The following CCSER2 variants were observed in gnomAD, a reference collection of about 807,000 sequenced individuals.
The protein encoded by CCSER2 is serine-rich coiled-coil domain-containing protein 2.
A neutral mutation model predicts 92.3 loss-of-function variants in CCSER2; 46 were observed. That is an observed-to-expected ratio of 0.50 (90% CI 0.39 to 0.64). CCSER2 has a LOEUF of 0.64. Among genes scored for constraint, CCSER2 ranks in the 30% least tolerant of loss-of-function variants. CCSER2 has a pLI of 0.00. For synonymous variants in CCSER2, 433 were observed against 431.4 expected, an observed-to-expected ratio of 1.00 and a Z score of -0.04; for missense variants, 1,244 against 1,238.9, an observed-to-expected ratio of 1.00 and a Z score of -0.06.
chr10:84,454,731 A>G lies in CCSER2; in HGVS notation c.2065-9202A>G, dbSNP rs561437068. On this transcript the variant is annotated intron_variant, in intron 6 of 9. Transcript: ENST00000372088. ...TCTCTCTTGATTACACCCAGGCTCT[A>G]TTAATGGTTTGGTTCATATCATTAT... is the stretch of plus-strand genomic sequence containing the variant. 67 of 172,418 alleles carry G rather than the reference A, an allele frequency of 3.9e-4. 1 individual carries two copies. Among genetic ancestry groups the G allele is most frequent in the Middle Eastern group, 8.9e-4 (1 of 1,122 alleles). 10.7% of individuals were successfully genotyped at this position (172,418 alleles called of 1,614,324 possible).
intron 9 of CCSER2, among the ~76,000 whole-genome samples, chr10:84,488,625 T>G (rs1847952491): frequency 6.6e-6 from 1 of 152,180 alleles, no homozygotes. Context: ...TTGATTCTTC[T>G]CTCTTTTCTT....
intron 7 of CCSER2, among the ~76,000 whole-genome samples, chr10:84,468,181 T>C (rs1448199598): frequency 6.6e-6 from 1 of 152,194 alleles, no homozygotes; most frequent in East Asian, 1.9e-4. Context: ...CTTTGTATTA[T>C]ATTGTATGGC....
chr10:84,348,507 A>C (rs1844676434), intron 1 of CCSER2, among the ~76,000 whole-genome samples: 1 of 151,984 alleles, frequency 6.6e-6, no homozygotes, highest in Non-Finnish European at 1.5e-5. Context: ...AGGAAGAGGG[A>C]GAGGGCAAGG....
At chr10:84,506,687 G>A (rs1007954847) in intron 9 of CCSER2, among the ~76,000 whole-genome samples, 1 of 152,008 alleles carries the variant, frequency 6.6e-6, no homozygotes, top group Admixed American at 6.6e-5. Flanking sequence ...CCATCTACTT[G>A]GGAGGCTGAG....
intron 8 of CCSER2, among the ~76,000 whole-genome samples, chr10:84,475,171 C>T (rs1304946318): frequency 1.3e-5 from 2 of 151,854 alleles, no homozygotes; most frequent in East Asian, 3.9e-4. Flanking sequence ...ATTTGAGTTA[C>T]TTGTCCCTTC....
At chr10:84,464,475 G>T (rs1399284405) in intron 7 of CCSER2, among the ~76,000 whole-genome samples, 3 of 151,934 alleles carry the variant, frequency 2.0e-5, no homozygotes, top group Non-Finnish European at 2.9e-5. Flanking sequence ...TTTAGTTGAA[G>T]AAAACTCTTT....
chr10:84,353,704 T>G (rs1844995348), intron 1 of CCSER2, among the ~76,000 whole-genome samples: 1 of 152,172 alleles, frequency 6.6e-6, no homozygotes, highest in South Asian at 2.1e-4. Flanking sequence ...TCTTCTGGAC[T>G]TAGCTGTAAA....
At chr10:84,504,995 A>T (rs578200943) in intron 9 of CCSER2, among the ~76,000 whole-genome samples, 4 of 152,300 alleles carry the variant, frequency 2.6e-5, no homozygotes, top group Admixed American at 2.6e-4. Context: ...TATTTATAAT[A>T]GTAATGTAGT....
intron 1 of CCSER2, 100 bp from the exon 2 acceptor site, chr10:84,370,914 G>GT (rs796553539): frequency 1.9e-6 from 1 of 524,440 alleles, no homozygotes. Flanking sequence ...TAGCTTTTGG[G>GT]TTTTTCTGCG....
chr10:84,514,308 T>G lies in CCSER2; in HGVS notation c.*41T>G. The G allele has an allele frequency of 7.3e-7, 1 of 1,368,990 alleles. No homozygotes were observed. Among genetic ancestry groups the G allele is most frequent in the South Asian group, 1.3e-5 (1 of 75,098 alleles). 84.8% of individuals were successfully genotyped at this position (1,368,990 alleles called of 1,614,324 possible). The stretch of plus-strand genomic sequence containing the variant: ...CTGCCAATTTGTTTCTTAAAAACAA[T>G]CTCTTCTGTAATAGCTTTATGTGCA... On this transcript the variant is annotated 3_prime_UTR_variant, in exon 10 of 10. Coordinates refer to ENST00000372088, the MANE Select transcript of CCSER2 (RefSeq NM_001284240.2).
chr10:84,377,900 T>G (rs531156462), intron 3 of CCSER2, among the ~76,000 whole-genome samples: 1 of 152,344 alleles, frequency 6.6e-6, no homozygotes, highest in South Asian at 2.1e-4. Flanking sequence ...TATACCTGAT[T>G]TTTATCATGT....
intron 9 of CCSER2, among the ~76,000 whole-genome samples, chr10:84,499,610 C>T (rs998471258): frequency 6.6e-6 from 1 of 151,382 alleles, no homozygotes; most frequent in Non-Finnish European, 1.5e-5. Context: ...TAATGTATAC[C>T]GGAAAGAATA....
chr10:84,471,118 T>C (rs1239331074), intron 8 of CCSER2, among the ~76,000 whole-genome samples: 1 of 152,102 alleles, frequency 6.6e-6, no homozygotes, highest in Non-Finnish European at 1.5e-5. Flanking sequence ...CACATTTTGG[T>C]CTAACAAAGC....
chr10:84,375,535 G>GC (rs1433257872), intron 3 of CCSER2, among the ~76,000 whole-genome samples: 6 of 128,766 alleles, frequency 4.7e-5, no homozygotes, highest in Admixed American at 3.0e-4. Flanking sequence ...TTGTTGGTTT[G>GC]TTTTTTTTTT....
intron 3 of CCSER2, among the ~76,000 whole-genome samples, chr10:84,381,416 G>A (rs926590812): frequency 1.3e-5 from 2 of 152,148 alleles, no homozygotes; most frequent in Non-Finnish European, 2.9e-5. Context: ...TGAAAGGTTG[G>A]CACTTGGCTG....
At chr10:84,338,774 A>G (rs1415749573) in intron 1 of CCSER2, among the ~76,000 whole-genome samples, 1 of 152,096 alleles carries the variant, frequency 6.6e-6, no homozygotes, top group Non-Finnish European at 1.5e-5. Flanking sequence ...ACCTGATCTC[A>G]TTTTACTGTA....
chr10:84,512,648 G>A (rs1221111196), intron 9 of CCSER2, among the ~76,000 whole-genome samples: 1 of 152,144 alleles, frequency 6.6e-6, no homozygotes, highest in East Asian at 1.9e-4. Context: ...TAAGAACCTT[G>A]TCATAGGCTT....
chr10:84,504,027 A>G (rs1187649752), intron 9 of CCSER2, among the ~76,000 whole-genome samples: 1 of 152,210 alleles, frequency 6.6e-6, no homozygotes, highest in African/African-American at 2.4e-5. Flanking sequence ...TGTATTTACA[A>G]CAACCTGATT....
chr10:84,438,327 T>C (rs754309195), intron 5 of CCSER2, among the ~76,000 whole-genome samples, 185 bp from the exon 6 acceptor site: 2 of 152,236 alleles, frequency 1.3e-5, no homozygotes, highest in Non-Finnish European at 2.9e-5. Flanking sequence ...ATAATTGTTT[T>C]AATAAACTAC....
Sources: allele counts gnomAD v4.1 joint callset (sites outside exome capture counted in the v4.1 genomes callset), GRCh38; gene constraint gnomAD v4.1.1; transcripts MANE v1.5; gene names NCBI Gene and HGNC (gene_info 2026-07-23, HGNC 2026-07-21).